The following SAXO1 variants were observed in gnomAD, a reference collection of about 807,000 sequenced individuals.
SAXO1 encodes 4930500O09Rik.
SAXO1 carries 21 observed loss-of-function variants against 17.5 expected under a neutral mutation model. That is an observed-to-expected ratio of 1.20 (90% confidence interval 0.85 to 1.72). SAXO1 has a LOEUF of 1.72. Among genes scored for constraint, SAXO1 ranks in the 40% most tolerant of loss-of-function variants. SAXO1 has a pLI of 0.00. For missense variants in SAXO1, 843 were observed against 596.0 expected, an observed-to-expected ratio of 1.41 and a Z score of -4.32; for synonymous variants, 274 against 216.5, an observed-to-expected ratio of 1.27 and a Z score of -2.33.
intron 1 of SAXO1, among the ~76,000 whole-genome samples, chr9:18,965,051 T>C (rs767466406): frequency 6.6e-5 from 10 of 152,246 alleles, no homozygotes; most frequent in Non-Finnish European, 1.2e-4. Context: ...TCAGTTTCCA[T>C]GTAGTCGTGC....
chr9:18,932,934 G>A (rs759029814), intron 3 of SAXO1, among the ~76,000 whole-genome samples: 6 of 152,086 alleles, frequency 3.9e-5, no homozygotes, highest in Non-Finnish European at 7.4e-5. Context: ...ATTCCTTGGT[G>A]TTATCTGCAT....
chr9:18,938,051 G>C (rs992896438), intron 3 of SAXO1, among the ~76,000 whole-genome samples: 2 of 152,162 alleles, frequency 1.3e-5, no homozygotes, highest in East Asian at 3.9e-4. Context: ...AAATGCACAT[G>C]TTCCAAGAAC....
chr9:18,949,456 TAA>T (rs869047623), intron 2 of SAXO1, among the ~76,000 whole-genome samples: 2 of 151,840 alleles, frequency 1.3e-5, no homozygotes, highest in Admixed American at 6.6e-5. Flanking sequence ...AACCTTGTTT[TAA>T]AAAAAAAATT....
intron 2 of SAXO1, among the ~76,000 whole-genome samples, chr9:18,944,674 G>C (rs1347155182): frequency 6.6e-6 from 1 of 152,146 alleles, no homozygotes; most frequent in Non-Finnish European, 1.5e-5. Flanking sequence ...AGTTGGAGTG[G>C]TCCTGCTGGG....
intron 1 of SAXO1, among the ~76,000 whole-genome samples, chr9:18,987,271 T>C (rs979616276): frequency 6.6e-6 from 1 of 152,044 alleles, no homozygotes; most frequent in African/African-American, 2.4e-5. Context: ...GAGCCGCATG[T>C]TTTCTCTCCC....
intron 1 of SAXO1, among the ~76,000 whole-genome samples, chr9:19,045,029 G>A (rs1423846464): frequency 6.6e-6 from 1 of 151,520 alleles, no homozygotes; most frequent in Non-Finnish European, 1.5e-5. Flanking sequence ...GCAATTAGAC[G>A]GCCGGGCGCG....
rs1830897890 is a variant in SAXO1 at position 18,928,716 on chromosome 9, C to T, written c.761G>A (p.Ser254Asn). 1.9e-6 allele frequency: 3 copies of T among 1,614,010 alleles called. No homozygotes were observed. Among genetic ancestry groups the T allele is most frequent in the Non-Finnish European group, 2.5e-6 (3 of 1,180,048 alleles). The change falls in exon 4 of 4, where the codon AGC (serine) becomes AAC (asparagine). Residue 254 changes from serine to asparagine, a missense_variant. Ser to Asn is a conservative substitution (Grantham distance 46). Coordinates refer to ENST00000380534, the MANE Select transcript of SAXO1 (RefSeq NM_153707.4). ...YRGLMGEPAK[S>N]LKPLARPPGL... ...AGGAGGCCTGGCTAGAGGTTTCAAG[C>T]TCTTGGCAGGCTCCCCCATCAGGCC...
intron 1 of SAXO1, among the ~76,000 whole-genome samples, chr9:19,038,542 A>G (rs201775793): frequency 7.1e-6 from 1 of 140,916 alleles, no homozygotes; most frequent in Non-Finnish European, 1.5e-5. Flanking sequence ...TCACTCATAG[A>G]TGGGAATTGA....
At chr9:19,027,929 G>T in intron 1 of SAXO1, 1 of 1,417,114 alleles carries the variant, frequency 7.1e-7, no homozygotes, top group Non-Finnish European at 9.9e-7. Flanking sequence ...ACTCCCAAAA[G>T]ATGAACGTCA....
chr9:19,042,091 T>C (rs894475469), intron 1 of SAXO1, among the ~76,000 whole-genome samples: 1 of 124,918 alleles, frequency 8.0e-6, no homozygotes, highest in African/African-American at 3.2e-5. Context: ...AACAACTCTA[T>C]GGGAAAAAAA....
chr9:18,956,364 G>C (rs1347116537), intron 1 of SAXO1, among the ~76,000 whole-genome samples: 1 of 152,154 alleles, frequency 6.6e-6, no homozygotes, highest in Non-Finnish European at 1.5e-5. Flanking sequence ...GGTATAACGT[G>C]ACTTTGGGCT....
rs570360305 is a variant in SAXO1, at chr9:18,991,534, G to C, written c.39-40597C>G. ...TGAACAATGAGAACACCTAGACACAGGACAGGGAACATCACACCCTGGGGC... is the reference window on the plus strand; with the variant it reads ...TGAACAATGAGAACACCTAGACACACGACAGGGAACATCACACCCTGGGGC... On this transcript the variant is annotated intron_variant, in intron 1 of 3. Coordinates refer to ENST00000380534, the MANE Select transcript of SAXO1 (RefSeq NM_153707.4). Among the ~76,000 whole-genome samples, 13 of 152,190 alleles carry C rather than the reference G, an allele frequency of 8.5e-5. No individual in the cohort carries two copies. In the South Asian group the frequency reaches 1.5e-3, roughly 17 times the overall value.
At chr9:18,946,106 A>G (rs922769093) in intron 2 of SAXO1, among the ~76,000 whole-genome samples, 3 of 151,942 alleles carry the variant, frequency 2.0e-5, no homozygotes, top group Admixed American at 1.3e-4. Context: ...GAGAAACCCC[A>G]TCTCTACTAA....
Position 18,958,452 on chromosome 9 carries a change from T to C in SAXO1, c.39-7515A>G, listed in dbSNP as rs529002715. On this transcript the variant is annotated intron_variant, in intron 1 of 3. Coordinates refer to ENST00000380534, the MANE Select transcript of SAXO1 (RefSeq NM_153707.4). ...AAATAAATAAGTAAACCAGAACTTCTGACAAGGACTAACCCCTCAGGCAAC... is the reference window on the plus strand; with the variant it reads ...AAATAAATAAGTAAACCAGAACTTCCGACAAGGACTAACCCCTCAGGCAAC... 2.0e-5 allele frequency among the ~76,000 whole-genome samples: 3 copies of C among 152,028 alleles called. No homozygotes were observed. The South Asian group carries it at 6.2e-4, about 32-fold the overall frequency.
intron 1 of SAXO1, among the ~76,000 whole-genome samples, chr9:18,969,820 A>C (rs1465319983): frequency 1.3e-5 from 2 of 152,236 alleles, no homozygotes; most frequent in African/African-American, 2.4e-5. Flanking sequence ...TACTTTTGCT[A>C]TGGCTGCCGC....
chr9:18,954,668 G>A (rs528686396), intron 1 of SAXO1, among the ~76,000 whole-genome samples: 1 of 150,606 alleles, frequency 6.6e-6, no homozygotes, highest in Non-Finnish European at 1.5e-5. Context: ...TTGAAAGGGG[G>A]CATGGGAAAT....
upstream of SAXO1, among the ~76,000 whole-genome samples, chr9:19,036,164 T>C (rs549819027): frequency 7.3e-5 from 11 of 150,084 alleles, no homozygotes; most frequent in South Asian, 1.7e-3. Flanking sequence ...AGATGATGGG[T>C]TGATGGGTGC....
At chr9:19,043,916 A>G (rs1165127374) in intron 1 of SAXO1, among the ~76,000 whole-genome samples, 5 of 152,124 alleles carry the variant, frequency 3.3e-5, no homozygotes, top group African/African-American at 7.2e-5. Context: ...AGGCTGAGGC[A>G]GGCGGATCAC....
At chr9:19,023,156 C>G (rs976141962) in intron 1 of SAXO1, among the ~76,000 whole-genome samples, 2 of 135,538 alleles carry the variant, frequency 1.5e-5, no homozygotes, top group African/African-American at 2.7e-5. Context: ...CCCACCCCCC[C>G]GCCCCACCGG....
Sources: gnomAD v4.1 joint callset for allele counts (sites outside exome capture counted in the v4.1 genomes callset) on GRCh38, gnomAD v4.1.1 for gene constraint, MANE v1.5 for transcripts, NCBI Gene and HGNC (gene_info 2026-07-23, HGNC 2026-07-21) for gene names.